Variants in PPP3CC observed in about 807,000 individuals in gnomAD.
PPP3CC encodes the protein serine/threonine-protein phosphatase 2B catalytic subunit gamma isoform.
PPP3CC carries 35 observed loss-of-function variants against 60.3 expected under a neutral mutation model. That is an observed-to-expected ratio of 0.58 (90% confidence interval 0.44 to 0.77). The LOEUF is 0.77. Ranked by LOEUF, PPP3CC falls within the 30% of genes least tolerant of loss-of-function variation. The pLI is 0.00. For missense variants in PPP3CC, 570 were observed against 628.9 expected (o/e 0.91, Z 1.00); for synonymous variants, 206 against 224.3 (o/e 0.92, Z 0.73).
intron 1 of PPP3CC, among the ~76,000 whole-genome samples, chr8:22,447,100 T>C (rs530487573): frequency 6.6e-6 from 1 of 151,324 alleles, no homozygotes; most frequent in South Asian, 2.1e-4. Context: ...TTCAGCTTCC[T>C]GGGCTCAGGT....
At chr8:22,475,763 A>G (rs1837869796) in intron 3 of PPP3CC, 139 bp downstream of exon 3, 5 of 872,348 alleles carry the variant, frequency 5.7e-6, no homozygotes, top group East Asian at 5.8e-5. Context: ...AAAGTAGTAG[A>G]AATGTTTTAA....
intron 1 of PPP3CC, among the ~76,000 whole-genome samples, chr8:22,469,135 A>G (rs1435539656): frequency 6.6e-6 from 1 of 152,242 alleles, no homozygotes; most frequent in Admixed American, 6.5e-5. Context: ...TATATACACA[A>G]TGGAATATTG....
At chr8:22,509,544 C>T (rs1275136464) in intron 4 of PPP3CC, among the ~76,000 whole-genome samples, 1 of 152,158 alleles carries the variant, frequency 6.6e-6, no homozygotes, top group Non-Finnish European at 1.5e-5. Context: ...GTTCCTTTTT[C>T]TCTTTAAACA....
At chr8:22,539,352 A>G (rs1489877871) in intron 12 of PPP3CC, 117 bp from the exon 13 acceptor site, 6 of 916,376 alleles carry the variant, frequency 6.5e-6, no homozygotes, top group Non-Finnish European at 9.9e-6. Context: ...TTCATTATGG[A>G]TGGGGATAGG....
At chr8:22,446,562 G>A (rs1211718558) in intron 1 of PPP3CC, among the ~76,000 whole-genome samples, 3 of 151,920 alleles carry the variant, frequency 2.0e-5, no homozygotes, top group Admixed American at 6.5e-5. Context: ...GGTGGCTCAC[G>A]CCTATAATCC....
At chr8:22,504,700 TTCCC>T (rs35661790) in intron 4 of PPP3CC, among the ~76,000 whole-genome samples, 99 of 146,968 alleles carry the variant, frequency 6.7e-4, no homozygotes, top group East Asian at 3.2e-3. Context: ...CCCTCCCTCC[TTCCC>T]TCCCTCCCTC....
At chr8:22,532,782 T>G in intron 11 of PPP3CC, 139 bp from the exon 12 acceptor site, 2 of 547,758 alleles carry the variant, frequency 3.7e-6, no homozygotes, top group Non-Finnish European at 6.4e-6. Context: ...AACATCCCTT[T>G]CTTTGAGTCA....
intron 1 of PPP3CC, among the ~76,000 whole-genome samples, chr8:22,459,455 A>ATGTGTGTGTGTGTG (rs56870564): frequency 1.3e-5 from 2 of 150,140 alleles, no homozygotes; most frequent in African/African-American, 4.9e-5. Flanking sequence ...TCACTTTGTT[A>ATGTGTGTGTGTGTG]TGTGTGTGTG....
chr8:22,477,835 A>ATATTTATTTATTTATTTATTTATT (rs373116798), intron 3 of PPP3CC, among the ~76,000 whole-genome samples: 93 of 151,366 alleles, frequency 6.1e-4, no homozygotes, highest in African/African-American at 2.2e-3. Flanking sequence ...AACTTTTAAA[A>ATATTTATTTATTTATTTATTTATT]TATTTATTTA....
rs1359248277 is a variant in PPP3CC at position 22,540,905 on chromosome 8, A to C, written c.*103A>C. On this transcript the variant is annotated 3_prime_UTR_variant, in exon 14 of 14. Transcript: ENST00000240139. ...GCAACTCAAAACAACTTCAACGTGG[A>C]GGTGCATTTATAATTCAGTCTGCAT... is the stretch of plus-strand genomic sequence containing the variant. 1 of 1,049,090 alleles carries C rather than the reference A, an allele frequency of 9.5e-7. No homozygotes were observed. Among genetic ancestry groups the C allele is most frequent in the Non-Finnish European group, 1.3e-6 (1 of 777,252 alleles). 65.0% of individuals were successfully genotyped at this position (1,049,090 alleles called of 1,614,324 possible).
At position 22,540,664 on chromosome 8, in the gene PPP3CC, G is replaced by T. The variant is rs1473205984; in HGVS notation, c.1401G>T (p.Ala467=). 2 of 1,613,842 alleles carry T rather than the reference G, an allele frequency of 1.2e-6. No individual in the cohort carries two copies. The highest frequency in any genetic ancestry group is 8.5e-7 in the Non-Finnish European group (1 of 1,179,986). ...LQHKIRSFEE[A]RGLDRINERM... ...ACAAGATCCGGAGTTTTGAAGAAGC[G>T]CGAGGTCTGGACCGAATTAATGAGC... The change falls in exon 14 of 14, where the codon GCG becomes GCT. Residue 467 remains alanine, a synonymous_variant. Transcript: ENST00000240139.
chr8:22,510,811 A>G lies in PPP3CC; in HGVS notation c.485-275A>G, dbSNP rs541436152. 2.5e-4 allele frequency: 79 copies of G among 317,928 alleles called. No individual in the cohort carries two copies. In the South Asian group the frequency reaches 4.9e-3, roughly 20 times the overall value. The allele number at this position is 317,928 out of a possible 1,614,324, so 19.7% of individuals were successfully genotyped here. On this transcript the variant is annotated intron_variant, in intron 4 of 13. Transcript: ENST00000240139. ...AACTGGGTAATTTTTACCACAAGCC[A>G]TGTTGCCTAATAACACAGTGGACAG...
At chr8:22,514,804 C>G (rs1221560978) in intron 6 of PPP3CC, among the ~76,000 whole-genome samples, 1 of 151,378 alleles carries the variant, frequency 6.6e-6, no homozygotes, top group Middle Eastern at 3.2e-3. Flanking sequence ...CCTCAGCCTC[C>G]TGAGTACTGG....
In PPP3CC at chr8:22,541,105, A is replaced by C; in HGVS notation, c.*303A>C. On this transcript the variant is annotated 3_prime_UTR_variant, in exon 14 of 14. Transcript: ENST00000240139. ...TATAAAGGGGAACTTCCCCTAATAA[A>C]AGGGCCTTGGAAACCTCAAACCTGG... The C allele has an allele frequency of 5.5e-6, 1 of 181,762 alleles. No homozygotes were observed. 11.3% of individuals were successfully genotyped at this position (181,762 alleles called of 1,614,324 possible).
chr8:22,477,840 T>TATTTATTC (rs1359021069), intron 3 of PPP3CC, among the ~76,000 whole-genome samples: 5 of 151,744 alleles, frequency 3.3e-5, no homozygotes, highest in African/African-American at 1.2e-4. Flanking sequence ...TTAAAATATT[T>TATTTATTC]ATTTATTTAT....
rs559666952 is a variant in PPP3CC at position 22,505,351 on chromosome 8, A to G, written c.485-5735A>G. Among the ~76,000 whole-genome samples, 34 of 152,214 alleles carry G rather than the reference A, an allele frequency of 2.2e-4. 1 individual carries two copies. In the South Asian group the frequency reaches 5.8e-3, roughly 26 times the overall value. On this transcript the variant is annotated intron_variant, in intron 4 of 13. Transcript: ENST00000240139. ...TTCCATGAACCATTTTTTTAAATGT[A>G]TAGTTAAATAGCTTACTGACAAGTT... is the stretch of plus-strand genomic sequence containing the variant.
intron 3 of PPP3CC, among the ~76,000 whole-genome samples, chr8:22,483,192 C>T (rs1344224605): frequency 1.3e-5 from 2 of 152,172 alleles, no homozygotes; most frequent in African/African-American, 4.8e-5. Context: ...CAATAGGAGA[C>T]CAAATTTTAT....
At chr8:22,501,019 A>G (rs997726790) in intron 4 of PPP3CC, among the ~76,000 whole-genome samples, 2 of 152,124 alleles carry the variant, frequency 1.3e-5, no homozygotes, top group Non-Finnish European at 2.9e-5. Context: ...TTAGCTGTGC[A>G]TAGAGGCACT....
At chr8:22,492,876 G>A in intron 3 of PPP3CC, 6 of 1,087,746 alleles carry the variant, frequency 5.5e-6, no homozygotes, top group Non-Finnish European at 8.5e-6. Context: ...CACCATTACA[G>A]GCCATGCTGA....
Sources: gnomAD v4.1 joint callset for allele counts (sites outside exome capture counted in the v4.1 genomes callset) on GRCh38, gnomAD v4.1.1 for gene constraint, MANE v1.5 for transcripts, NCBI Gene and HGNC (gene_info 2026-07-23, HGNC 2026-07-21) for gene names.